Variants in PPARGC1B observed in about 807,000 individuals in gnomAD.
The protein encoded by PPARGC1B is peroxisome proliferator-activated receptor gamma coactivator 1-beta.
PPARGC1B carries 34 observed loss-of-function variants against 101.6 expected under a neutral mutation model. The observed-to-expected ratio is 0.33, with a 90% CI of 0.25 to 0.45. The LOEUF is 0.45. PPARGC1B is among the 20% of genes least tolerant of loss of function. PPARGC1B has a pLI of 1.00. For missense variants in PPARGC1B, 1,234 were observed against 1,317.6 expected, an observed-to-expected ratio of 0.94 and a Z score of 0.98; for synonymous variants, 548 against 539.3, an observed-to-expected ratio of 1.02 and a Z score of -0.22.
intron 10 of PPARGC1B, among the ~76,000 whole-genome samples, chr5:149,843,521 G>T (rs1405886107): frequency 6.6e-6 from 1 of 152,136 alleles, no homozygotes; most frequent in East Asian, 1.9e-4. Flanking sequence ...GGAGAAACTG[G>T]AACTCTTGTA....
At chr5:149,802,204 C>T (rs1757452160) in intron 1 of PPARGC1B, among the ~76,000 whole-genome samples, 1 of 152,164 alleles carries the variant, frequency 6.6e-6, no homozygotes, top group African/African-American at 2.4e-5. Flanking sequence ...CCTCAGGAAC[C>T]AGTTCAGAGC....
At chr5:149,767,016 C>G (rs1755935609) in intron 1 of PPARGC1B, among the ~76,000 whole-genome samples, 1 of 152,152 alleles carries the variant, frequency 6.6e-6, no homozygotes. Flanking sequence ...AGGACCAGGT[C>G]CCTGCATTGA....
chr5:149,830,882 A>G lies in PPARGC1B; in HGVS notation c.581A>G (p.Lys194Arg), dbSNP rs1758758181. 9.3e-6 allele frequency: 15 copies of G among 1,607,484 alleles called. No individual in the cohort carries two copies. Among genetic ancestry groups the G allele is most frequent in the Non-Finnish European group, 1.3e-5 (15 of 1,173,870 alleles). Residue 194 changes from lysine to arginine, a missense_variant and splice_region_variant, in exon 4 of 12, where the codon AAG becomes AGG. Around this residue, in one of 3 missense-constraint regions of PPARGC1B, gnomAD observed 734 missense variants for 768.4 expected, o/e 0.96. Coordinates refer to ENST00000309241, the MANE Select transcript of PPARGC1B (RefSeq NM_133263.4). ...LRSKSQRPCV[K>R]ADSTQDKKAP... ...TCTAAAAGTCAACGGCCTTGTGTTA[A>G]GGTATTTCTTCACATGCCCCCAAAT...
chr5:149,783,416 C>G (rs113481568), intron 1 of PPARGC1B, among the ~76,000 whole-genome samples: 1 of 152,148 alleles, frequency 6.6e-6, no homozygotes, highest in African/African-American at 2.4e-5. Flanking sequence ...TTTTTGGGTC[C>G]TTAGTTCCTC....
At chr5:149,732,045 G>GGTGTGTGTGTGT (rs3042304) in intron 1 of PPARGC1B, among the ~76,000 whole-genome samples, 1 of 149,026 alleles carries the variant, frequency 6.7e-6, no homozygotes, top group African/African-American at 2.5e-5. Context: ...TGCGCGCGCG[G>GGTGTGTGTGTGT]GTGTGTGTGT....
chr5:149,766,543 A>G (rs1277977256), intron 1 of PPARGC1B, among the ~76,000 whole-genome samples: 1 of 152,124 alleles, frequency 6.6e-6, no homozygotes, highest in African/African-American at 2.4e-5. Flanking sequence ...CAGAGCTGGA[A>G]ATGTGAACCA....
chr5:149,775,956 T>C (rs763084870), intron 1 of PPARGC1B, among the ~76,000 whole-genome samples: 18 of 152,012 alleles, frequency 1.2e-4, no homozygotes, highest in Admixed American at 5.3e-4. Flanking sequence ...AACAAATTCT[T>C]ATGACATAAC....
rs200850974 is a variant in PPARGC1B, at chr5:149,845,920, C to A, written c.2971+6C>A. The stretch of plus-strand genomic sequence containing the variant: ...GCCCAGATACACTGACTACGGTAAG[C>A]CCCTGAAACCCAGCCACAGTCTAGT... On this transcript the variant is annotated splice_donor_region_variant and intron_variant, in intron 11 of 11. Transcript: ENST00000309241. 3.7e-6 allele frequency: 6 copies of A among 1,614,232 alleles called. No homozygotes were observed. The highest frequency in any genetic ancestry group is 5.1e-6 in the Non-Finnish European group (6 of 1,180,042).
At position 149,793,860 on chromosome 5, in the gene PPARGC1B, T is replaced by A. The variant is rs1462955318; in HGVS notation, c.79-26573T>A. Among the ~76,000 whole-genome samples the A allele has an allele frequency of 2.0e-5, 3 of 152,206 alleles. No individual in the cohort carries two copies. In the East Asian group the frequency reaches 5.8e-4, roughly 29 times the overall value. On this transcript the variant is annotated intron_variant, in intron 1 of 11. Coordinates refer to ENST00000309241, the MANE Select transcript of PPARGC1B (RefSeq NM_133263.4). ...AGCAGCTCTGAAGATCCCAGTTCTC[T>A]GGGTGCAGCACTGTGTCGGGGCAAA...
At chr5:149,826,334 G>C (rs1758517767) in intron 2 of PPARGC1B, among the ~76,000 whole-genome samples, 1 of 152,166 alleles carries the variant, frequency 6.6e-6, no homozygotes, top group Non-Finnish European at 1.5e-5. Flanking sequence ...CCTTGGTGGG[G>C]GAGGTAGGCG....
intron 1 of PPARGC1B, among the ~76,000 whole-genome samples, chr5:149,800,314 T>G (rs1022297237): frequency 6.6e-6 from 1 of 152,204 alleles, no homozygotes; most frequent in Non-Finnish European, 1.5e-5. Flanking sequence ...GAGGGATGGC[T>G]TTTGACCAGT....
At chr5:149,733,053 C>T (rs548566861) in intron 1 of PPARGC1B, among the ~76,000 whole-genome samples, 68 of 152,330 alleles carry the variant, frequency 4.5e-4, no homozygotes, top group African/African-American at 1.6e-3. Context: ...GTGAGATGTT[C>T]TGGTTGTTCC....
At chr5:149,841,358 CTGT>C (rs1759326913) in intron 9 of PPARGC1B, among the ~76,000 whole-genome samples, 1 of 152,118 alleles carries the variant, frequency 6.6e-6, no homozygotes. Context: ...GGGGATTTCT[CTGT>C]TGAGCTGAGC....
At chr5:149,750,437 TC>T (rs1349235722) in intron 1 of PPARGC1B, among the ~76,000 whole-genome samples, 2 of 144,440 alleles carry the variant, frequency 1.4e-5, no homozygotes, top group Non-Finnish European at 3.0e-5. Flanking sequence ...TTAGCTGTCT[TC>T]TCTGTTTTAG....
intron 2 of PPARGC1B, among the ~76,000 whole-genome samples, chr5:149,821,620 G>A (rs370149594): frequency 1.3e-5 from 2 of 152,242 alleles, no homozygotes; most frequent in East Asian, 1.9e-4. Context: ...CAATAACATC[G>A]CGTGTGCTGA....
intron 3 of PPARGC1B, among the ~76,000 whole-genome samples, chr5:149,830,059 A>AGAG (rs1758710414): frequency 6.8e-6 from 1 of 146,818 alleles, no homozygotes; most frequent in Admixed American, 6.8e-5. Context: ...AAAAAAGAAA[A>AGAG]AAAAAAAAAA....
chr5:149,838,483 AG>A (rs1212403519), intron 8 of PPARGC1B, among the ~76,000 whole-genome samples: 1 of 152,144 alleles, frequency 6.6e-6, no homozygotes, highest in African/African-American at 2.4e-5. Context: ...CCAATGTCAA[AG>A]GTTTGGCTTC....
intron 1 of PPARGC1B, among the ~76,000 whole-genome samples, chr5:149,785,502 G>A (rs767660090): frequency 2.0e-5 from 3 of 152,218 alleles, no homozygotes; most frequent in Non-Finnish European, 4.4e-5. Context: ...TCTGTTGGTG[G>A]AACTTGGCAG....
At chr5:149,819,825 T>C (rs1025971164) in intron 1 of PPARGC1B, among the ~76,000 whole-genome samples, 9 of 152,258 alleles carry the variant, frequency 5.9e-5, no homozygotes, top group African/African-American at 2.2e-4. Context: ...GTTTTATGGC[T>C]TTATTTACAT....
Sources: allele counts gnomAD v4.1 joint callset (sites outside exome capture counted in the v4.1 genomes callset), GRCh38; gene constraint gnomAD v4.1.1; regional missense constraint gnomAD v4.1.1; transcripts MANE v1.5; gene names NCBI Gene and HGNC (gene_info 2026-07-23, HGNC 2026-07-21).